The following NPNT variants were observed in gnomAD, a reference collection of about 807,000 sequenced individuals.
NPNT encodes the protein preosteoblast EGF-like repeat protein with MAM domain.
A neutral mutation model predicts 68.6 loss-of-function variants in NPNT; 45 were observed. The observed-to-expected ratio is 0.66, with a 90% CI of 0.52 to 0.84. The LOEUF is 0.84. Ranked by LOEUF, NPNT falls within the 40% of genes least tolerant of loss-of-function variation. NPNT has a pLI of 0.00. For missense variants in NPNT, 672 were observed against 714.8 expected (o/e 0.94, Z 0.68); for synonymous variants, 233 against 253.3 (o/e 0.92, Z 0.76).
chr4:105,920,395 T>TAAAAAAAAAAAAAAAAAAAAA (rs11355483), intron 2 of NPNT, among the ~76,000 whole-genome samples: 5 of 79,460 alleles, frequency 6.3e-5, no homozygotes, highest in South Asian at 4.8e-4. Context: ...GTTACTCTAC[T>TAAAAAAAAAAAAAAAAAAAAA]AAAAAAAAAA....
Position 105,937,112 on chromosome 4 carries a change from G to T in NPNT, c.369G>T (p.Pro123=), listed in dbSNP as rs760211013. 3.7e-6 allele frequency: 6 copies of T among 1,613,302 alleles called. No homozygotes were observed. Among genetic ancestry groups the T allele is most frequent in the Admixed American group, 1.7e-5 (1 of 59,944 alleles). Residue 123 remains proline (P), a synonymous_variant, in exon 4 of 12, where the codon CCG becomes CCT. Coordinates refer to ENST00000379987, the MANE Select transcript of NPNT (RefSeq NM_001033047.3). ...CYCLNGYMLM[P]DGSCSSALTC... ...GTCTCAACGGATATATGCTCATGCC[G>T]GATGGTTCCTGCTCAAGTATGTCAA...
Position 105,956,473 on chromosome 4 carries a change from G to GA in NPNT, c.1160-1989dup, listed in dbSNP as rs1331401855. Reference sequence around the variant, plus strand: ...CATTTGATAGTCCTTCATCTGGGAGGAAAAAAAAAGACGGAGGGGAGCTTG... The same window carrying GA: ...CATTTGATAGTCCTTCATCTGGGAGGAAAAAAAAAAGACGGAGGGGAGCTTG... On this transcript the variant is annotated intron_variant, in intron 8 of 11. Coordinates refer to ENST00000379987, the MANE Select transcript of NPNT (RefSeq NM_001033047.3). Among the ~76,000 whole-genome samples, 14 of 150,024 alleles carry GA rather than the reference G, an allele frequency of 9.3e-5. No individual in the cohort carries two copies. The East Asian group carries it at 1.8e-3, about 19-fold the overall frequency.
intron 8 of NPNT, among the ~76,000 whole-genome samples, chr4:105,952,275 G>A (rs1730894650): frequency 6.6e-6 from 1 of 152,184 alleles, no homozygotes; most frequent in Non-Finnish European, 1.5e-5. Context: ...AGTGTGAGCT[G>A]TTAGGTGCAC....
intron 8 of NPNT, among the ~76,000 whole-genome samples, chr4:105,954,293 G>A (rs1235433003): frequency 6.6e-6 from 1 of 152,168 alleles, no homozygotes; most frequent in Non-Finnish European, 1.5e-5. Flanking sequence ...TTTAGTTTAT[G>A]CAGAAGGCTG....
intron 2 of NPNT, among the ~76,000 whole-genome samples, chr4:105,903,512 A>T (rs980542792): frequency 6.6e-6 from 1 of 152,084 alleles, no homozygotes. Flanking sequence ...AATATTTTAA[A>T]TTTTTCCACC....
In NPNT at chr4:105,907,948, T is replaced by A. The variant is rs1727048520; in HGVS notation, c.172+9947T>A. The stretch of plus-strand genomic sequence containing the variant: ...GGCCAGACATGATAAAGCATTATGA[T>A]GTGTGGTAAAATAGTGACATCTATT... On this transcript the variant is annotated intron_variant, in intron 2 of 11. Coordinates refer to ENST00000379987, the MANE Select transcript of NPNT (RefSeq NM_001033047.3). Among the ~76,000 whole-genome samples the A allele has an allele frequency of 2.0e-5, 3 of 152,096 alleles. No individual in the cohort carries two copies. The South Asian group carries it at 6.2e-4, about 32-fold the overall frequency.
chr4:105,950,941 G>T (rs1299202561), intron 8 of NPNT, among the ~76,000 whole-genome samples: 3 of 152,192 alleles, frequency 2.0e-5, no homozygotes, highest in African/African-American at 4.8e-5. Flanking sequence ...TCTTTAATGT[G>T]TACACAAATT....
chr4:105,954,282 T>A (rs1731050405), intron 8 of NPNT, among the ~76,000 whole-genome samples: 1 of 152,190 alleles, frequency 6.6e-6, no homozygotes, highest in Non-Finnish European at 1.5e-5. Context: ...ATTCCCTTTC[T>A]TTTAGTTTAT....
At chr4:105,949,936 G>A (rs1024735388) in intron 8 of NPNT, among the ~76,000 whole-genome samples, 4 of 152,084 alleles carry the variant, frequency 2.6e-5, no homozygotes, top group Non-Finnish European at 5.9e-5. Flanking sequence ...GATTTTCATT[G>A]TCTTTTTGTT....
At chr4:105,944,750 C>T (rs1200438877) in intron 8 of NPNT, among the ~76,000 whole-genome samples, 1 of 152,208 alleles carries the variant, frequency 6.6e-6, no homozygotes, top group Non-Finnish European at 1.5e-5. Flanking sequence ...TTAAATTCCA[C>T]TCTCATTTCA....
chr4:105,945,692 TC>T (rs1730328866), intron 8 of NPNT, among the ~76,000 whole-genome samples: 1 of 152,218 alleles, frequency 6.6e-6, no homozygotes. Flanking sequence ...AGGCCCAAAA[TC>T]CTTTATCCAA....
chr4:105,937,159 T>C, intron 4 of NPNT, 31 bp downstream of exon 4: 1 of 1,609,634 alleles, frequency 6.2e-7, no homozygotes, highest in Non-Finnish European at 8.5e-7. Flanking sequence ...GTTTTATAAG[T>C]GCTTTGGGCT....
At chr4:105,946,882 G>A (rs1730431113) in intron 8 of NPNT, among the ~76,000 whole-genome samples, 2 of 152,148 alleles carry the variant, frequency 1.3e-5, no homozygotes, top group South Asian at 4.1e-4. Flanking sequence ...AGGTTCGAGA[G>A]CAGAGAACTG....
Position 105,895,719 on chromosome 4 carries a change from GGGAGGTGAGCT to G in NPNT, c.70_71+9del. The G allele has an allele frequency of 6.4e-7, 1 of 1,552,852 alleles. No homozygotes were observed. The highest frequency in any genetic ancestry group is 8.7e-7 in the Non-Finnish European group (1 of 1,147,594). On this transcript the variant is annotated splice_donor_variant and splice_donor_5th_base_variant and coding_sequence_variant and intron_variant, in exon 1 of 12. Transcript: ENST00000379987. LOFTEE classifies it high-confidence loss of function. ...CCTGCAGGCGGCCGCCGAGTTCGAC[GGGAGGTGAGCT>G]GGGCCCCGGGGCGCCCTCTCCTCCT...
intron 2 of NPNT, chr4:105,912,027 A>G: frequency 1.7e-6 from 1 of 603,580 alleles, no homozygotes; most frequent in Non-Finnish European, 2.9e-6. Flanking sequence ...CTAAAATATT[A>G]CTATTTTAAA....
rs184741409 is a variant in NPNT at position 105,935,973 on chromosome 4, T to A, written c.266-1036T>A. On this transcript the variant is annotated intron_variant, in intron 3 of 11. Coordinates refer to ENST00000379987, the MANE Select transcript of NPNT (RefSeq NM_001033047.3). Reference sequence around the variant, plus strand: ...CATGGATTAATAGATAATTAAATTATGCTAAATGGGTACTTATGCTGGTGG... The same window carrying A: ...CATGGATTAATAGATAATTAAATTAAGCTAAATGGGTACTTATGCTGGTGG... Among the ~76,000 whole-genome samples the A allele has an allele frequency of 1.5e-4, 23 of 152,354 alleles. No homozygotes were observed. In the East Asian group the frequency reaches 4.2e-3, roughly 28 times the overall value.
At chr4:105,947,520 T>A (rs1434559047) in intron 8 of NPNT, among the ~76,000 whole-genome samples, 1 of 152,140 alleles carries the variant, frequency 6.6e-6, no homozygotes, top group Admixed American at 6.5e-5. Flanking sequence ...CACTGGAGCA[T>A]TTTTCCTTAT....
intron 2 of NPNT, among the ~76,000 whole-genome samples, chr4:105,913,634 G>A (rs572348863): frequency 2.0e-5 from 3 of 152,164 alleles, no homozygotes; most frequent in South Asian, 4.1e-4. Context: ...ACTCTGAGCC[G>A]AGTTTTACTA....
intron 3 of NPNT, chr4:105,932,826 G>T: frequency 3.2e-6 from 2 of 630,266 alleles, no homozygotes; most frequent in East Asian, 2.9e-5. Flanking sequence ...CCCTGAGCAT[G>T]AGCAAGCAGC....
Sources: gnomAD v4.1 joint callset for allele counts (sites outside exome capture counted in the v4.1 genomes callset) on GRCh38, gnomAD v4.1.1 for gene constraint, MANE v1.5 for transcripts, NCBI Gene and HGNC (gene_info 2026-07-23, HGNC 2026-07-21) for gene names.